SH3GL2: variants seen among roughly 807,000 people sequenced by gnomAD.
The protein encoded by SH3GL2 is endophilin-A1.
In SH3GL2, 24 loss-of-function variants were observed where a neutral mutation model predicts 46.0. The observed-to-expected ratio is 0.52, with a 90% CI of 0.38 to 0.73. The LOEUF is 0.73. SH3GL2 is among the 30% of genes least tolerant of loss of function. The probability of loss-of-function intolerance (pLI) is 0.00; values close to 1 mark genes in which losing one functional copy is unlikely to be tolerated. For missense variants in SH3GL2, 413 were observed against 424.2 expected (o/e 0.97, Z 0.23); for synonymous variants, 196 against 147.1 (o/e 1.33, Z -2.40).
intron 1 of SH3GL2, among the ~76,000 whole-genome samples, chr9:17,714,326 T>G (rs1400529802): frequency 6.6e-6 from 1 of 151,738 alleles, no homozygotes; most frequent in Non-Finnish European, 1.5e-5. Context: ...ATCTCTGCCT[T>G]TTTTATGGAT....
At chr9:17,669,447 C>T (rs1457934220) in intron 1 of SH3GL2, among the ~76,000 whole-genome samples, 2 of 152,162 alleles carry the variant, frequency 1.3e-5, no homozygotes, top group Non-Finnish European at 2.9e-5. Flanking sequence ...CTTCCCTAGC[C>T]TCTGGCAACC....
chr9:17,581,373 T>C (rs1237694117), intron 1 of SH3GL2, among the ~76,000 whole-genome samples: 1 of 152,244 alleles, frequency 6.6e-6, no homozygotes, highest in Non-Finnish European at 1.5e-5. Context: ...TGCGTCATTG[T>C]CTTCCTTTTA....
chr9:17,680,840 C>T (rs959335060), intron 1 of SH3GL2, among the ~76,000 whole-genome samples: 10 of 152,006 alleles, frequency 6.6e-5, no homozygotes, highest in East Asian at 1.9e-4. Flanking sequence ...TCTTTGTTCT[C>T]GTTGGTTTGA....
At chr9:17,686,516 A>T (rs1820914912) in intron 1 of SH3GL2, among the ~76,000 whole-genome samples, 1 of 147,708 alleles carries the variant, frequency 6.8e-6, no homozygotes, top group South Asian at 2.3e-4. Context: ...ATTATCCACA[A>T]TAGCAAAGAC....
chr9:17,583,258 T>G (rs1481012272), intron 1 of SH3GL2, among the ~76,000 whole-genome samples: 1 of 152,216 alleles, frequency 6.6e-6, no homozygotes, highest in East Asian at 1.9e-4. Flanking sequence ...GTTAGTATAT[T>G]GCTAAGTTCT....
At chr9:17,795,193 T>G (rs1197884013) in intron 8 of SH3GL2, among the ~76,000 whole-genome samples, 7 of 152,204 alleles carry the variant, frequency 4.6e-5, no homozygotes, top group African/African-American at 1.7e-4. Context: ...ATATTCTTCT[T>G]AAGTCATTGT....
At chr9:17,713,434 T>C (rs1821679632) in intron 1 of SH3GL2, among the ~76,000 whole-genome samples, 1 of 151,282 alleles carries the variant, frequency 6.6e-6, no homozygotes, top group Non-Finnish European at 1.5e-5. Flanking sequence ...TTATTTCCTT[T>C]CTTCTGCTTG....
At chr9:17,673,403 C>T (rs929373443) in intron 1 of SH3GL2, among the ~76,000 whole-genome samples, 6 of 151,584 alleles carry the variant, frequency 4.0e-5, no homozygotes, top group South Asian at 4.2e-4. Context: ...CTGCCTGCCT[C>T]CCAAAGTGCT....
intron 1 of SH3GL2, among the ~76,000 whole-genome samples, chr9:17,609,032 C>T (rs936821343): frequency 2.6e-5 from 4 of 152,160 alleles, no homozygotes; most frequent in East Asian, 1.9e-4. Context: ...TGTGTCACAC[C>T]GCTGGGGGAA....
chr9:17,713,762 C>T (rs943397896), intron 1 of SH3GL2, among the ~76,000 whole-genome samples: 3 of 151,590 alleles, frequency 2.0e-5, no homozygotes, highest in African/African-American at 7.3e-5. Flanking sequence ...GAACTTGAAT[C>T]CTTTTAAATG....
intron 1 of SH3GL2, among the ~76,000 whole-genome samples, chr9:17,680,200 A>C (rs111552088): frequency 0.1 from 15,354 of 152,144 alleles, 985 homozygotes; most frequent in Admixed American, 0.19. Context: ...TTTCAGATGG[A>C]ATGGTACCAG....
intron 1 of SH3GL2, among the ~76,000 whole-genome samples, chr9:17,723,794 G>A (rs1169287191): frequency 6.6e-6 from 1 of 151,892 alleles, no homozygotes; most frequent in Non-Finnish European, 1.5e-5. Flanking sequence ...TGCCTTTCCT[G>A]ATTTGCACTT....
chr9:17,777,704 T>C (rs1475395847), intron 3 of SH3GL2, among the ~76,000 whole-genome samples: 1 of 151,942 alleles, frequency 6.6e-6, no homozygotes, highest in Non-Finnish European at 1.5e-5. Flanking sequence ...GGGAGAGAGA[T>C]TGTTCTCTCT....
chr9:17,609,760 C>T (rs193071888), intron 1 of SH3GL2, among the ~76,000 whole-genome samples: 26 of 152,328 alleles, frequency 1.7e-4, no homozygotes, highest in Non-Finnish European at 2.9e-4. Context: ...TGCAAAGTGA[C>T]AGCTGAGCAA....
At chr9:17,736,718 G>C (rs147663169) in intron 1 of SH3GL2, among the ~76,000 whole-genome samples, 29 of 152,222 alleles carry the variant, frequency 1.9e-4, no homozygotes, top group African/African-American at 6.7e-4. Context: ...GTTTGTCCCT[G>C]ATGTTGGCTT....
intron 1 of SH3GL2, among the ~76,000 whole-genome samples, chr9:17,734,574 A>G (rs1822272281): frequency 6.6e-6 from 1 of 152,162 alleles, no homozygotes; most frequent in African/African-American, 2.4e-5. Flanking sequence ...AGTTGAATGA[A>G]TAAACAAAAT....
chr9:17,781,589 T>C (rs1823811893), intron 3 of SH3GL2, among the ~76,000 whole-genome samples: 1 of 152,184 alleles, frequency 6.6e-6, no homozygotes, highest in Non-Finnish European at 1.5e-5. Flanking sequence ...GTGGAGTTAC[T>C]GGGTTGCAGG....
At chr9:17,647,397 G>C (rs1407647446) in intron 1 of SH3GL2, among the ~76,000 whole-genome samples, 4 of 132,756 alleles carry the variant, frequency 3.0e-5, no homozygotes, top group Non-Finnish European at 6.6e-5. Flanking sequence ...CCCTGTGACA[G>C]AGCTCTTGTT....
At chr9:17,731,397 G>A (rs1402805111) in intron 1 of SH3GL2, among the ~76,000 whole-genome samples, 3 of 151,376 alleles carry the variant, frequency 2.0e-5, no homozygotes, top group Non-Finnish European at 4.4e-5. Flanking sequence ...AGAGGAAAAG[G>A]GAGGGAGGTG....
Sources: allele counts gnomAD v4.1 joint callset (sites outside exome capture counted in the v4.1 genomes callset), GRCh38; gene constraint gnomAD v4.1.1; transcripts MANE v1.5; gene names NCBI Gene and HGNC (gene_info 2026-07-23, HGNC 2026-07-21).